Variants in ALG13 observed in about 807,000 individuals in gnomAD.
ALG13 encodes the protein UDP-N-acetylglucosamine transferase subunit ALG13.
ALG13 carries 11 observed loss-of-function variants against 87.8 expected under a neutral mutation model. That is an observed-to-expected ratio of 0.13 (90% CI 0.08 to 0.21). The LOEUF is 0.21. ALG13 is among the 10% of genes least tolerant of loss of function. The pLI is 1.00. For synonymous variants in ALG13, 320 were observed against 306.3 expected (o/e 1.04, Z -0.47); for missense variants, 756 against 866.1 (o/e 0.87, Z 1.60).
rs753556936 is a variant in ALG13, at chrX:111,711,720, C to T, written c.880C>T (p.Pro294Ser). The T allele has an allele frequency of 7.2e-5, 87 of 1,202,997 alleles. No individual in the cohort carries two copies. In the East Asian group the frequency reaches 2.6e-3, roughly 36 times the overall value. ...FEKYLERLGD[P>S]KESAGQLEIR... ...GAAATACCTGGAACGGTTGGGAGAT[C>T]CCAAGGTAAGATCAAATATGGGGGT... The change falls in exon 6 of 27, where the codon CCC (proline) becomes TCC (serine). Residue 294 changes from proline to serine, a missense_variant. Physicochemically the swap from Pro to Ser is moderately conservative, Grantham distance 74. Around this residue, in one of 9 missense-constraint regions of ALG13, gnomAD observed 60 missense variants for 54.5 expected, o/e 1.10. Transcript: ENST00000394780.
intron 3 of ALG13, chrX:111,687,951 C>T (rs1206030503): frequency 5.1e-6 from 6 of 1,172,451 alleles, no homozygotes; most frequent in Non-Finnish European, 6.9e-6. Flanking sequence ...TCCTGGCCAG[C>T]CAGAAAAATT....
At chrX:111,752,982 A>G (rs1182410747) in intron 25 of ALG13, 152 bp downstream of exon 25, 2 of 415,655 alleles carry the variant, frequency 4.8e-6, no homozygotes, top group East Asian at 8.7e-5. Context: ...GACATAGTTC[A>G]GTTGTCTGCT....
chrX:111,707,948 T>C (rs1939070752), intron 3 of ALG13, 79 bp from the exon 4 acceptor site: 1 of 1,037,139 alleles, frequency 9.6e-7, no homozygotes, highest in Non-Finnish European at 1.3e-6. Flanking sequence ...CTAAGTACTT[T>C]CTCCCTCCCT....
chrX:111,717,816 C>T (rs1300942653), intron 8 of ALG13, 30 bp from the exon 9 acceptor site: 9 of 1,030,104 alleles, frequency 8.7e-6, no homozygotes. Context: ...GTGTAACATT[C>T]ACTTAATTGT....
chrX:111,722,986 G>T (rs558394064), intron 13 of ALG13, 129 bp downstream of exon 13: 3 of 463,946 alleles, frequency 6.5e-6, no homozygotes, highest in South Asian at 7.8e-5. Flanking sequence ...ATAGGGTCTA[G>T]CTCTGTTGCC....
Position 111,744,771 on chromosome X carries a change from TCC to T in ALG13, c.2800_2801del (p.Pro934SerfsTer14), listed in dbSNP as rs1569522046. The T allele has an allele frequency of 3.6e-6, 1 of 279,157 alleles. No homozygotes were observed. The allele number at this position is 279,157 out of a possible 1,213,427, so 23.0% of individuals were successfully genotyped here. A position where few individuals can be genotyped will look rare whatever the true frequency, so the allele number is the denominator to read the frequency against. ...PPPPPPPPPP[P>X]PPPPPPPPPP... ...CACCACCACCACCACCACCACCACC[TCC>T]TCCTCCTCCTCCTCCTCCTCCTCCT... On this transcript the variant is annotated frameshift_variant, in exon 24 of 27. Transcript: ENST00000394780. LOFTEE classifies it high-confidence loss of function.
At chrX:111,744,032 T>C (rs1943998003) in intron 23 of ALG13, among the ~76,000 whole-genome samples, 1 of 111,928 alleles carries the variant, frequency 8.9e-6, no homozygotes, top group African/African-American at 3.2e-5. Flanking sequence ...TATAATTACA[T>C]CTGAATTTCT....
At chrX:111,753,796 A>C (rs963639151) in intron 25 of ALG13, among the ~76,000 whole-genome samples, 3 of 111,585 alleles carry the variant, frequency 2.7e-5, no homozygotes, top group African/African-American at 9.8e-5. Context: ...CCTACCAACC[A>C]AAAAAAGTCC....
chrX:111,727,565 G>A, intron 17 of ALG13, 49 bp from the exon 18 acceptor site: 1 of 1,136,259 alleles, frequency 8.8e-7, no homozygotes. Flanking sequence ...TTAGGAACAA[G>A]TTACTATATT....
chrX:111,733,593 A>G (rs956870987), intron 21 of ALG13, among the ~76,000 whole-genome samples: 2 of 111,874 alleles, frequency 1.8e-5, no homozygotes, highest in Non-Finnish European at 3.8e-5. Context: ...CTCTGCTGCT[A>G]TAAACATATA....
chrX:111,758,115 T>C (rs1310179554), intron 26 of ALG13, among the ~76,000 whole-genome samples: 1 of 112,004 alleles, frequency 8.9e-6, no homozygotes, highest in Non-Finnish European at 1.9e-5. Context: ...GGTACAAAAA[T>C]GCCAATCTTA....
intron 13 of ALG13, among the ~76,000 whole-genome samples, chrX:111,723,466 G>T (rs923993592): frequency 1.8e-5 from 2 of 110,690 alleles, no homozygotes; most frequent in African/African-American, 6.6e-5. Flanking sequence ...TAGAAACAGG[G>T]TCTTACTATG....
At chrX:111,719,030 T>A (rs1941030985) in intron 10 of ALG13, among the ~76,000 whole-genome samples, 1 of 99,891 alleles carries the variant, frequency 1.0e-5, no homozygotes, top group African/African-American at 3.8e-5. Flanking sequence ...TTTTTCTTTT[T>A]TTTTTTTTTT....
At chrX:111,683,459 A>C (rs1934091270) in intron 2 of ALG13, among the ~76,000 whole-genome samples, 2 of 106,440 alleles carry the variant, frequency 1.9e-5, no homozygotes, top group African/African-American at 6.9e-5. Context: ...CCTCCCCAGT[A>C]GCTGAGATTA....
intron 5 of ALG13, among the ~76,000 whole-genome samples, chrX:111,709,841 T>C (rs1939429415): frequency 1.8e-5 from 2 of 111,148 alleles, no homozygotes; most frequent in African/African-American, 6.5e-5. Context: ...CTTAAAAGCT[T>C]GTTACCTTGA....
intron 3 of ALG13, among the ~76,000 whole-genome samples, chrX:111,699,550 G>A (rs1363161561): frequency 9.0e-6 from 1 of 111,609 alleles, no homozygotes; most frequent in East Asian, 2.8e-4. Context: ...TCCATTTTGA[G>A]TTGATTTTTT....
chrX:111,715,712 C>T (rs1041216351), intron 8 of ALG13, among the ~76,000 whole-genome samples: 29 of 112,170 alleles, frequency 2.6e-4, no homozygotes, highest in African/African-American at 9.1e-4. Flanking sequence ...AGCAAGACTC[C>T]ATCTCAGAAA....
intron 15 of ALG13, among the ~76,000 whole-genome samples, 161 bp downstream of exon 15, chrX:111,725,222 C>T (rs1293914954): frequency 3.6e-5 from 4 of 111,747 alleles, no homozygotes; most frequent in Admixed American, 9.5e-5. Context: ...ACTTCACTGT[C>T]GGGGGTTTGT....
intron 8 of ALG13, 76 bp from the exon 9 acceptor site, chrX:111,717,770 A>T (rs1039485344): frequency 2.8e-6 from 2 of 710,855 alleles, no homozygotes; most frequent in South Asian, 3.5e-5. Flanking sequence ...ACTCAATTTC[A>T]AGTTAATTAT....
Sources: allele counts gnomAD v4.1 joint callset (sites outside exome capture counted in the v4.1 genomes callset), GRCh38; gene constraint gnomAD v4.1.1; regional missense constraint gnomAD v4.1.1; transcripts MANE v1.5; gene names NCBI Gene and HGNC (gene_info 2026-07-23, HGNC 2026-07-21).